Variants in MTG2 observed in about 807,000 individuals in gnomAD.
MTG2 encodes mitochondrial ribosome-associated GTPase 2.
A neutral mutation model predicts 28.6 loss-of-function variants in MTG2; 23 were observed. The ratio of observed to expected loss-of-function variants is 0.80; its 90% CI spans 0.58 to 1.14. The LOEUF (loss-of-function observed/expected upper bound fraction) is 1.14. Among genes scored for constraint, MTG2 ranks in the 50% most tolerant of loss-of-function variants. The pLI is 0.00. For missense variants in MTG2, 539 were observed against 552.0 expected (o/e 0.98, Z 0.24); for synonymous variants, 260 against 251.8 (o/e 1.03, Z -0.31).
chr20:62,190,754 C>T (rs891752217), intron 1 of MTG2, among the ~76,000 whole-genome samples: 4 of 152,208 alleles, frequency 2.6e-5, no homozygotes, highest in South Asian at 2.1e-4. Flanking sequence ...GCAGCGGCGG[C>T]GGCCGCACAG....
intron 4 of MTG2, 67 bp downstream of exon 4, chr20:62,198,034 C>CA: frequency 6.9e-7 from 1 of 1,449,596 alleles, no homozygotes; most frequent in Non-Finnish European, 9.6e-7. Flanking sequence ...CTGGGGGCCA[C>CA]CGTGTGACCC....
At chr20:62,184,542 G>C (rs749241962) in intron 1 of MTG2, among the ~76,000 whole-genome samples, 3 of 152,202 alleles carry the variant, frequency 2.0e-5, no homozygotes, top group Non-Finnish European at 4.4e-5. Context: ...AGCAGTGATC[G>C]GGACAGGGAG....
In MTG2 at chr20:62,197,879, C is replaced by G. The variant is rs370429275; in HGVS notation, c.380C>G (p.Ser127Trp). The G allele has an allele frequency of 1.2e-5, 20 of 1,614,224 alleles. No homozygotes were observed. In the East Asian group the frequency reaches 4.0e-4, roughly 32 times the overall value. ...GACCAGCAAGTCAAGTCCCTGTCGTCGGTCCTGTCGCGGTACCAGGGTTTC... is the reference window on the plus strand; with the variant it reads ...GACCAGCAAGTCAAGTCCCTGTCGTGGGTCCTGTCGCGGTACCAGGGTTTC... Reference protein sequence around the residue: ...RVDQQVKSLSSVLSRYQGFSG... With the variant: ...RVDQQVKSLSWVLSRYQGFSG... The change falls in exon 4 of 7, where the codon TCG becomes TGG. Residue 127 changes from serine (S) to tryptophan (W), a missense_variant. Physicochemically the swap from Ser to Trp is radical, Grantham distance 177 (BLOSUM62 -3). Transcript: ENST00000370823.
chr20:62,184,123 C>T (rs1359811155), intron 1 of MTG2, among the ~76,000 whole-genome samples: 3 of 152,226 alleles, frequency 2.0e-5, no homozygotes, highest in African/African-American at 4.8e-5. Flanking sequence ...CTTTGGGAGG[C>T]CAAGGCGGGC....
intron 2 of MTG2, chr20:62,194,133 G>A (rs1481828039): frequency 6.6e-6 from 1 of 151,674 alleles, no homozygotes; most frequent in South Asian, 2.1e-4. Context: ...AAAACAAGTA[G>A]GGGGGAATAT....
intron 1 of MTG2, among the ~76,000 whole-genome samples, 184 bp downstream of exon 1, chr20:62,183,241 G>A (rs2057758570): frequency 6.6e-6 from 1 of 152,062 alleles, no homozygotes; most frequent in South Asian, 2.1e-4. Flanking sequence ...CGAGCGCTGC[G>A]GCCCTGGAGT....
intron 1 of MTG2, among the ~76,000 whole-genome samples, chr20:62,184,685 A>G (rs1343782218): frequency 6.6e-6 from 1 of 152,112 alleles, no homozygotes; most frequent in Admixed American, 6.5e-5. Flanking sequence ...AGGTTTTCCT[A>G]TGGGGCAAGC....
In MTG2 at chr20:62,200,846, G is replaced by A. The variant is rs760243817; in HGVS notation, c.990G>A (p.Met330Ile). The A allele has an allele frequency of 1.9e-6, 3 of 1,614,000 alleles. No homozygotes were observed. In the South Asian group the frequency reaches 3.3e-5, roughly 18 times the overall value. Residue 330 changes from methionine to isoleucine, a missense_variant, in exon 7 of 7, where the codon ATG becomes ATA. Physicochemically the swap from Met to Ile is conservative, Grantham distance 10. Transcript: ENST00000370823. Reference protein sequence around the residue: ...QVDDLKYELEMYEKGLSARPH... With the variant: ...QVDDLKYELEIYEKGLSARPH... ...ACGATTTAAAATATGAACTGGAGAT[G>A]TATGAAAAGGGCCTGTCTGCGAGGC...
intron 1 of MTG2, among the ~76,000 whole-genome samples, chr20:62,191,499 A>G (rs1032204904): frequency 6.6e-6 from 1 of 152,108 alleles, no homozygotes; most frequent in African/African-American, 2.4e-5. Flanking sequence ...TGTAACTGTG[A>G]TTGCCTCAGA....
intron 5 of MTG2, 38 bp from the exon 6 acceptor site, chr20:62,199,081 G>A: frequency 6.2e-7 from 1 of 1,611,756 alleles, no homozygotes; most frequent in South Asian, 1.1e-5. Context: ...CAAAGGTGCT[G>A]CCGCGGGCCG....
intron 2 of MTG2, among the ~76,000 whole-genome samples, chr20:62,194,608 TTG>T (rs1255858439): frequency 2.0e-5 from 3 of 152,212 alleles, no homozygotes; most frequent in Non-Finnish European, 4.4e-5. Flanking sequence ...GTTTAAATTT[TTG>T]TGTTTAAAAA....
intron 2 of MTG2, chr20:62,193,833 G>A (rs1421035987): frequency 3.5e-6 from 2 of 574,356 alleles, no homozygotes; most frequent in Non-Finnish European, 6.1e-6. Context: ...GCTGGGAGAG[G>A]CGCTGCGTGC....
chr20:62,184,224 G>A (rs547590583), intron 1 of MTG2, among the ~76,000 whole-genome samples: 38 of 152,208 alleles, frequency 2.5e-4, no homozygotes, highest in Admixed American at 8.5e-4. Context: ...CGGGCGTGGT[G>A]GCAGGCGCCT....
In MTG2 at chr20:62,202,645, C is replaced by CT. The variant is rs2058191996; in HGVS notation, c.*1568_*1569insT. ...GCGGTCACCTGTAGTCCCAGCTACTCGGGAGGCTGAAGCAGGAGAATGGCG... is the reference window on the plus strand; with the variant it reads ...GCGGTCACCTGTAGTCCCAGCTACTCTGGGAGGCTGAAGCAGGAGAATGGCG... On this transcript the variant is annotated 3_prime_UTR_variant, in exon 7 of 7. Transcript: ENST00000370823. The CT allele has an allele frequency of 6.6e-6, 1 of 151,564 alleles. No individual in the cohort carries two copies. The highest frequency in any genetic ancestry group is 2.4e-5 in the African/African-American group (1 of 41,112). 9.4% of individuals were successfully genotyped at this position (151,564 alleles called of 1,614,324 possible).
chr20:62,183,964 C>T (rs1489540074), intron 1 of MTG2, among the ~76,000 whole-genome samples: 3 of 152,190 alleles, frequency 2.0e-5, no homozygotes, highest in Admixed American at 6.5e-5. Context: ...AGCAGCATGC[C>T]AGGGAGGCCA....
intron 1 of MTG2, among the ~76,000 whole-genome samples, chr20:62,188,508 ATTT>A (rs1192106476): frequency 5.6e-5 from 5 of 89,726 alleles, no homozygotes; most frequent in East Asian, 3.0e-4. Flanking sequence ...TAATCAGCTA[ATTT>A]TTTTTTTTTT....
intron 5 of MTG2, 40 bp downstream of exon 5, chr20:62,198,892 G>A: frequency 1.9e-6 from 3 of 1,610,274 alleles, no homozygotes; most frequent in Non-Finnish European, 2.5e-6. Context: ...CACACACTCA[G>A]CTCTAGAAAA....
At chr20:62,192,982 T>G (rs560663031) in intron 1 of MTG2, among the ~76,000 whole-genome samples, 1 of 152,370 alleles carries the variant, frequency 6.6e-6, no homozygotes, top group South Asian at 2.1e-4. Context: ...CTATGCCCCA[T>G]GTTTAATATT....
chr20:62,193,770 A>G (rs2145847117), intron 2 of MTG2, 146 bp downstream of exon 2: 3 of 796,696 alleles, frequency 3.8e-6, no homozygotes, highest in Non-Finnish European at 3.9e-6. Context: ...TGAAAATGAC[A>G]GGGTGAAACG....
Sources: allele counts gnomAD v4.1 joint callset (sites outside exome capture counted in the v4.1 genomes callset), GRCh38; gene constraint gnomAD v4.1.1; transcripts MANE v1.5; gene names NCBI Gene and HGNC (gene_info 2026-07-23, HGNC 2026-07-21).